Variants in NFIA observed in about 807,000 individuals in gnomAD.
NFIA encodes the protein nuclear factor 1 A-type.
A neutral mutation model predicts 62.8 loss-of-function variants in NFIA; 8 were observed. The ratio of observed to expected loss-of-function variants is 0.13; its 90% CI spans 0.07 to 0.23. The LOEUF (loss-of-function observed/expected upper bound fraction) is 0.23. NFIA is among the 10% of genes least tolerant of loss of function. The pLI, the probability that NFIA is intolerant of heterozygous loss-of-function variation, is 1.00. For missense variants in NFIA, 410 were observed against 642.1 expected (o/e 0.64, Z 3.91); for synonymous variants, 235 against 238.1 (o/e 0.99, Z 0.12).
At chr1:61,413,390 C>G (rs937331867) in intron 9 of NFIA, among the ~76,000 whole-genome samples, 9 of 152,072 alleles carry the variant, frequency 5.9e-5, no homozygotes, top group Admixed American at 5.2e-4. Flanking sequence ...CTTCTCAACA[C>G]TCCTATGAGG....
chr1:61,268,419 C>A (rs1475850329), intron 2 of NFIA, among the ~76,000 whole-genome samples: 1 of 152,030 alleles, frequency 6.6e-6, no homozygotes, highest in Non-Finnish European at 1.5e-5. Context: ...TGCCCCCACC[C>A]CCCGACACCA....
At chr1:61,238,760 G>C (rs1655152520) in intron 2 of NFIA, among the ~76,000 whole-genome samples, 1 of 152,166 alleles carries the variant, frequency 6.6e-6, no homozygotes, top group Non-Finnish European at 1.5e-5. Context: ...AGTTGGTTTT[G>C]AGTTGTCCCC....
intron 2 of NFIA, among the ~76,000 whole-genome samples, chr1:61,176,933 T>C (rs1209016180): frequency 6.6e-6 from 1 of 151,922 alleles, no homozygotes; most frequent in Non-Finnish European, 1.5e-5. Context: ...TGAAACCCCG[T>C]CTCTACTAAA....
intron 3 of NFIA, among the ~76,000 whole-genome samples, chr1:61,329,381 ATTTTTTTTTT>A (rs58955783): frequency 8.3e-6 from 1 of 119,874 alleles, no homozygotes; most frequent in South Asian, 2.7e-4. Context: ...TTTTAAAGTA[ATTTTTTTTTT>A]TTTTTTTTTG....
At chr1:61,416,859 A>G (rs552321355) in intron 9 of NFIA, among the ~76,000 whole-genome samples, 120 of 152,162 alleles carry the variant, frequency 7.9e-4, no homozygotes, top group Non-Finnish European at 1.6e-3. Context: ...GACACATACT[A>G]TGTTTAGAGG....
upstream of NFIA, chr1:61,077,719 C>A: frequency 9.7e-7 from 1 of 1,033,114 alleles, no homozygotes; most frequent in Non-Finnish European, 1.3e-6. Flanking sequence ...ATGGCTAAGA[C>A]TAAAATTTCT....
At chr1:61,439,966 C>A (rs1312068156) in intron 10 of NFIA, among the ~76,000 whole-genome samples, 3 of 152,190 alleles carry the variant, frequency 2.0e-5, no homozygotes, top group African/African-American at 4.8e-5. Flanking sequence ...TAGACCCTAA[C>A]ATAAATCCTG....
chr1:61,173,221 A>T (rs1650085206), intron 2 of NFIA, among the ~76,000 whole-genome samples: 1 of 152,170 alleles, frequency 6.6e-6, no homozygotes, highest in Admixed American at 6.5e-5. Context: ...TTGCTGAGGA[A>T]CGTGGAAATC....
intron 3 of NFIA, among the ~76,000 whole-genome samples, chr1:61,330,138 G>A (rs758059626): frequency 2.0e-5 from 3 of 152,094 alleles, no homozygotes; most frequent in African/African-American, 4.8e-5. Context: ...TCGGCTTTGC[G>A]CATGTTGGTT....
chr1:61,114,500 CA>C (rs1646763886), intron 2 of NFIA, among the ~76,000 whole-genome samples: 1 of 151,770 alleles, frequency 6.6e-6, no homozygotes, highest in South Asian at 2.1e-4. Context: ...AAACATAAAG[CA>C]AAAAACATTA....
intron 2 of NFIA, among the ~76,000 whole-genome samples, chr1:61,117,559 C>G (rs1447335610): frequency 6.6e-6 from 1 of 151,940 alleles, no homozygotes; most frequent in Non-Finnish European, 1.5e-5. Flanking sequence ...ATTAATGTAA[C>G]TATATAGGCA....
At chr1:61,246,558 A>C (rs567277993) in intron 2 of NFIA, among the ~76,000 whole-genome samples, 28 of 152,148 alleles carry the variant, frequency 1.8e-4, no homozygotes, top group African/African-American at 5.8e-4. Context: ...CTTCTGAAAA[A>C]TGAAGGGATT....
chr1:61,419,960 A>G (rs1253088898), intron 9 of NFIA, among the ~76,000 whole-genome samples: 1 of 152,168 alleles, frequency 6.6e-6, no homozygotes, highest in East Asian at 1.9e-4. Flanking sequence ...AAATAATAGG[A>G]CGAGGTAGCT....
chr1:61,450,018 T>G (rs984165319), intron 10 of NFIA, among the ~76,000 whole-genome samples: 1 of 152,198 alleles, frequency 6.6e-6, no homozygotes, highest in Non-Finnish European at 1.5e-5. Flanking sequence ...CTGAGTCCTT[T>G]GGACACTGGA....
intron 3 of NFIA, among the ~76,000 whole-genome samples, chr1:61,301,078 T>TA (rs1659472979): frequency 1.3e-5 from 2 of 152,242 alleles, no homozygotes; most frequent in South Asian, 4.2e-4. Flanking sequence ...AGAAAATACA[T>TA]ACCAGTTCCT....
At position 61,459,694 on chromosome 1, in the gene NFIA, C is replaced by T. The variant is rs1457063925; in HGVS notation, c.*4374C>T. ...GCCCACAGGAATATGCAAGACCCAT[C>T]TCCAAAAGTTTGTCTTTGATTTTTT... On this transcript the variant is annotated 3_prime_UTR_variant, in exon 11 of 11. Coordinates refer to ENST00000403491, the MANE Select transcript of NFIA (RefSeq NM_001134673.4). The T allele has an allele frequency of 6.6e-6, 1 of 152,234 alleles. No individual in the cohort carries two copies. Among genetic ancestry groups the T allele is most frequent in the Non-Finnish European group, 1.5e-5 (1 of 68,060 alleles). 9.4% of individuals were successfully genotyped at this position (152,234 alleles called of 1,614,324 possible).
intron 10 of NFIA, among the ~76,000 whole-genome samples, chr1:61,433,216 C>T (rs977096093): frequency 6.6e-6 from 1 of 152,158 alleles, no homozygotes; most frequent in Non-Finnish European, 1.5e-5. Context: ...AAGATCTGCC[C>T]CGGTCTCCTG....
chr1:61,167,421 A>G (rs997880765), intron 2 of NFIA, among the ~76,000 whole-genome samples: 1 of 152,136 alleles, frequency 6.6e-6, no homozygotes, highest in Non-Finnish European at 1.5e-5. Context: ...TGCTATCTTG[A>G]TGCTTGGTTA....
At chr1:61,164,874 A>G (rs1240087910) in intron 2 of NFIA, among the ~76,000 whole-genome samples, 1 of 152,156 alleles carries the variant, frequency 6.6e-6, no homozygotes, top group Non-Finnish European at 1.5e-5. Context: ...TCAACATGAA[A>G]CCCAACTGCA....
Sources: allele counts gnomAD v4.1 joint callset (sites outside exome capture counted in the v4.1 genomes callset), GRCh38; gene constraint gnomAD v4.1.1; transcripts MANE v1.5; gene names NCBI Gene and HGNC (gene_info 2026-07-23, HGNC 2026-07-21).